XKR9: variants seen among roughly 807,000 people sequenced by gnomAD.
XKR9 encodes the protein XK related 9, also known as XK-related protein 9.
A neutral mutation model predicts 32.0 loss-of-function variants in XKR9; 32 were observed. That is an observed-to-expected ratio of 1.00 (90% confidence interval 0.76 to 1.34). The LOEUF (loss-of-function observed/expected upper bound fraction) is 1.34, where lower values mean the gene tolerates loss of function less well. XKR9 is among the 40% of genes most tolerant of loss of function. The pLI, the probability that XKR9 is intolerant of heterozygous loss-of-function variation, is 0.00. For synonymous variants in XKR9, 168 were observed against 143.4 expected (o/e 1.17, Z -1.22); for missense variants, 546 against 429.7 (o/e 1.27, Z -2.39).
At chr8:70,826,514 G>C in the XKR9 span, among the ~76,000 whole-genome samples, 1 of 152,150 alleles carries the variant, frequency 6.6e-6, no homozygotes, top group East Asian at 1.9e-4. Flanking sequence ...TAAATCATAA[G>C]AATTTCAGAG....
At chr8:70,940,082 C>G in the XKR9 span, among the ~76,000 whole-genome samples, 1 of 151,846 alleles carries the variant, frequency 6.6e-6, no homozygotes, top group Non-Finnish European at 1.5e-5. Flanking sequence ...TGGGTAAGTA[C>G]GTGGTACAGG....
chr8:70,776,228 A>G (rs1279447481), intron 2 of XKR9, among the ~76,000 whole-genome samples: 1 of 152,186 alleles, frequency 6.6e-6, no homozygotes, highest in Non-Finnish European at 1.5e-5. Flanking sequence ...TAATTCTAAT[A>G]CAGTTTCTTT....
At chr8:70,736,081 C>G (rs1385211080), downstream of XKR9, 1 of 152,186 alleles carries the variant, frequency 6.6e-6, no homozygotes, top group Non-Finnish European at 1.5e-5. Context: ...GTCCCAGCAA[C>G]AGTGTAAAAG....
At chr8:70,828,730 G>GAAAAAAAAAAAAAA in the XKR9 span, among the ~76,000 whole-genome samples, 5 of 119,518 alleles carry the variant, frequency 4.2e-5, no homozygotes, top group Non-Finnish European at 1.7e-5. Context: ...CAAAAAAAAA[G>GAAAAAAAAAAAAAA]AAAAAAAAAA....
chr8:70,733,744 A>G, intron 4 of XKR9, 52 bp from the exon 5 acceptor site: 1 of 1,400,396 alleles, frequency 7.1e-7, no homozygotes, highest in Non-Finnish European at 9.4e-7. Flanking sequence ...ATAGTAATCT[A>G]ATATTTCTAT....
intron 2 of XKR9, among the ~76,000 whole-genome samples, chr8:70,781,769 C>T (rs768236657): frequency 3.9e-5 from 6 of 151,938 alleles, no homozygotes; most frequent in Non-Finnish European, 5.9e-5. Flanking sequence ...CTCATTTATC[C>T]AAAGAGTATA....
chr8:70,977,980 C>T, the XKR9 span, among the ~76,000 whole-genome samples: 1 of 152,182 alleles, frequency 6.6e-6, no homozygotes, highest in Non-Finnish European at 1.5e-5. Context: ...ATCCCTTTAC[C>T]ATTATGTAAT....
chr8:70,856,697 T>C, the XKR9 span, among the ~76,000 whole-genome samples: 2 of 152,122 alleles, frequency 1.3e-5, no homozygotes, highest in African/African-American at 4.8e-5. Context: ...ACCACAACTA[T>C]TCCAAAATTG....
the XKR9 span, among the ~76,000 whole-genome samples, chr8:70,797,207 G>A: frequency 8.5e-5 from 13 of 152,078 alleles, no homozygotes; most frequent in East Asian, 2.3e-3. Context: ...AGTGAGGGGT[G>A]TGCGCACACA....
the XKR9 span, among the ~76,000 whole-genome samples, chr8:70,902,482 G>C: frequency 1.5e-3 from 229 of 152,268 alleles, 2 homozygotes; most frequent in Non-Finnish European, 1.7e-3. Flanking sequence ...AGGAATGCTT[G>C]TGATTTTTGC....
the XKR9 span, among the ~76,000 whole-genome samples, chr8:70,973,385 A>G: frequency 6.6e-6 from 1 of 151,828 alleles, no homozygotes; most frequent in Non-Finnish European, 1.5e-5. Context: ...TGCTCTATCA[A>G]TTTTATTTAT....
At chr8:70,705,124 C>A (rs1805675121) in intron 3 of XKR9, among the ~76,000 whole-genome samples, 2 of 152,134 alleles carry the variant, frequency 1.3e-5, no homozygotes, top group Non-Finnish European at 2.9e-5. Flanking sequence ...TTGTGTTTTA[C>A]TTTCAGCTTT....
At chr8:70,722,817 A>G (rs745598690) in intron 4 of XKR9, among the ~76,000 whole-genome samples, 12 of 151,914 alleles carry the variant, frequency 7.9e-5, no homozygotes, top group Non-Finnish European at 1.6e-4. Flanking sequence ...TATACTCTGT[A>G]TTTCCCGAAT....
the XKR9 span, among the ~76,000 whole-genome samples, chr8:70,802,581 A>G: frequency 1.6e-3 from 238 of 152,034 alleles, 1 homozygote; most frequent in African/African-American, 5.5e-3. Flanking sequence ...TGCGTTCTTA[A>G]GTGTGTTTTT....
chr8:70,856,236 T>G, the XKR9 span, among the ~76,000 whole-genome samples: 1 of 152,036 alleles, frequency 6.6e-6, no homozygotes, highest in Middle Eastern at 3.2e-3. Context: ...AAAAACCATC[T>G]CACATGCAGA....
the XKR9 span, among the ~76,000 whole-genome samples, chr8:70,813,511 A>C: frequency 5.3e-5 from 8 of 152,328 alleles, no homozygotes; most frequent in South Asian, 1.7e-3. Context: ...GGCAACCTAC[A>C]AAATGGGAGA....
the XKR9 span, among the ~76,000 whole-genome samples, chr8:70,848,830 A>G: frequency 2.6e-4 from 40 of 152,062 alleles, no homozygotes; most frequent in Admixed American, 2.5e-3. Context: ...CTTTAAACCA[A>G]CAAAAACCAA....
chr8:70,707,682 A>G (rs1035896436), intron 4 of XKR9, among the ~76,000 whole-genome samples: 1 of 152,064 alleles, frequency 6.6e-6, no homozygotes, highest in East Asian at 1.9e-4. Context: ...GCATGTAAAA[A>G]GTATATCCAT....
At chr8:70,993,176 C>A in the XKR9 span, among the ~76,000 whole-genome samples, 1 of 151,716 alleles carries the variant, frequency 6.6e-6, no homozygotes, top group South Asian at 2.1e-4. Context: ...AAGTTAGAAC[C>A]CTAGAGTCTA....
Sources: allele counts gnomAD v4.1 joint callset (sites outside exome capture counted in the v4.1 genomes callset), GRCh38; gene constraint gnomAD v4.1.1; transcripts MANE v1.5; gene names NCBI Gene and HGNC (gene_info 2026-07-23, HGNC 2026-07-21).